TRAPPC2L: variants seen among roughly 807,000 people sequenced by gnomAD.
The protein encoded by TRAPPC2L is trafficking protein particle complex subunit 2-like protein.
Under a neutral mutation model 13.2 loss-of-function variants are expected in TRAPPC2L, and 17 were observed. The observed-to-expected ratio is 1.29, with a 90% CI of 0.88 to 1.93. The LOEUF (loss-of-function observed/expected upper bound fraction) is 1.93, where lower values mean the gene tolerates loss of function less well. Among genes scored for constraint, TRAPPC2L ranks in the 30% most tolerant of loss-of-function variants. The probability of loss-of-function intolerance (pLI) is 0.00; values close to 1 mark genes in which losing one functional copy is unlikely to be tolerated. For synonymous variants in TRAPPC2L, 150 were observed against 98.1 expected (o/e 1.53, Z -3.12); for missense variants, 359 against 252.1 (o/e 1.42, Z -2.87).
At chr16:88,860,636 A>G (rs28656031) in exon 4 of TRAPPC2L, 202,918 of 593,072 alleles carry the variant, frequency 0.34, 36,972 homozygotes, top group African/African-American at 0.55. Context: ...GCACAGGGCC[A>G]TCCTTGCCAC....
At chr16:88,860,020 C>T (rs889631140) in exon 4 of TRAPPC2L, 1 of 1,471,240 alleles carries the variant, frequency 6.8e-7, no homozygotes, top group Non-Finnish European at 9.1e-7. Context: ...GTAGGACATG[C>T]CTTGCCATTT....
At chr16:88,859,272 G>A (rs895496679) in intron 2 of TRAPPC2L, 8 of 578,486 alleles carry the variant, frequency 1.4e-5, no homozygotes, top group African/African-American at 1.1e-4. Context: ...TTTGCTAGTA[G>A]CCACTATTTT....
exon 3 of TRAPPC2L, chr16:88,859,735 C>G (rs774343006): frequency 6.2e-7 from 1 of 1,613,834 alleles, no homozygotes; most frequent in Non-Finnish European, 8.5e-7. Context: ...CCCTTCGAGA[C>G]AACGAAATTC....
exon 4 of TRAPPC2L, chr16:88,861,319 G>A: frequency 2.7e-6 from 1 of 374,028 alleles, no homozygotes; most frequent in East Asian, 6.6e-5. Flanking sequence ...CCCACTGGCT[G>A]AACAGGTGGG....
upstream of TRAPPC2L, chr16:88,856,329 C>T (rs1461048396): frequency 1.4e-6 from 1 of 702,644 alleles, no homozygotes; most frequent in Non-Finnish European, 2.6e-6. Context: ...TCAGGCAGGG[C>T]GGCAGGAGCA....
intron 1 of TRAPPC2L, among the ~76,000 whole-genome samples, chr16:88,857,642 C>T (rs1456254558): frequency 4.6e-5 from 7 of 152,234 alleles, no homozygotes; most frequent in African/African-American, 1.2e-4. Context: ...CCTTAGGATG[C>T]TGTCTGAATA....
chr16:88,858,869 C>A (rs1294328725), intron 2 of TRAPPC2L, 78 bp downstream of exon 2: 1 of 1,466,124 alleles, frequency 6.8e-7, no homozygotes, highest in Admixed American at 2.5e-5. Context: ...AACTTGAAAC[C>A]TTTTAGAAGA....
chr16:88,858,197 G>A (rs1418809962), intron 1 of TRAPPC2L, among the ~76,000 whole-genome samples: 1 of 152,214 alleles, frequency 6.6e-6, no homozygotes. Flanking sequence ...GAGTCTTGAA[G>A]GGTTTAGTAA....
At chr16:88,860,615 C>A (rs894776460) in exon 4 of TRAPPC2L, 3 of 590,028 alleles carry the variant, frequency 5.1e-6, no homozygotes, top group Admixed American at 3.0e-5. Context: ...CACAGTCTTG[C>A]CTCCTGGGCT....
exon 4 of TRAPPC2L, chr16:88,860,611 C>A: frequency 3.4e-6 from 2 of 590,790 alleles, no homozygotes; most frequent in Admixed American, 6.0e-5. Flanking sequence ...TGTCCACAGT[C>A]TTGCCTCCTG....
intron 2 of TRAPPC2L, 157 bp from the exon 3 acceptor site, chr16:88,859,506 A>T (rs1968219930): frequency 1.3e-6 from 1 of 782,536 alleles, no homozygotes; most frequent in Non-Finnish European, 2.3e-6. Flanking sequence ...CTAGCAAAGT[A>T]TTTAGGCTTG....
At position 88,859,706 on chromosome 16, in the gene TRAPPC2L, G is replaced by A. The variant is rs746308531; in HGVS notation, c.250G>A (p.Val84Ile). The change falls in exon 3 of 4, where the codon GTA becomes ATA. Residue 84 changes from valine to isoleucine, a missense_variant. Transcript: ENST00000565504. ...CTCCAAGGTGAAGTTTGTCATGGTG[G>A]TAGATTCCTCCAACACAGCCCTTCG... 8 of 1,613,942 alleles carry A rather than the reference G, an allele frequency of 5.0e-6. No homozygotes were observed. The highest frequency in any genetic ancestry group is 1.3e-5 in the African/African-American group (1 of 74,942).
rs113702518 is a variant in TRAPPC2L, at chr16:88,860,953, G to A, written c.*629G>A. 1.1e-5 allele frequency: 17 copies of A among 1,590,462 alleles called. No individual in the cohort carries two copies. The South Asian group carries it at 1.5e-4, about 14-fold the overall frequency. ...TGGTGACGTCGATGATGATACAGGTGTGCTGAGTGAGCTGTGCTGCCAGCC... is the reference window on the plus strand; with the variant it reads ...TGGTGACGTCGATGATGATACAGGTATGCTGAGTGAGCTGTGCTGCCAGCC... On this transcript the variant is annotated 3_prime_UTR_variant, in exon 4 of 4. Coordinates refer to ENST00000565504, the Ensembl canonical transcript of TRAPPC2L.
In TRAPPC2L at chr16:88,858,811, G is replaced by A. The variant is rs1473607834; in HGVS notation, c.206+20G>A. ...CAAGGTGTATCTTTCAGGGCAGGGT[G>A]TGTGTCAGGGAGGACCTACAGTTGC... On this transcript the variant is annotated intron_variant, in intron 2 of 3. Coordinates refer to ENST00000565504, the Ensembl canonical transcript of TRAPPC2L. 2 of 1,604,618 alleles carry A rather than the reference G, an allele frequency of 1.2e-6. No homozygotes were observed. The highest frequency in any genetic ancestry group is 1.7e-4 in the Middle Eastern group (1 of 6,030).
At chr16:88,859,849 C>A in intron 3 of TRAPPC2L, 44 bp from the exon 4 acceptor site, 1 of 1,583,846 alleles carries the variant, frequency 6.3e-7, no homozygotes, top group Admixed American at 1.8e-5. Flanking sequence ...CTGGCAGTGG[C>A]TGTGTGTATG....
Position 88,858,709 on chromosome 16 carries a change from A to T in TRAPPC2L, c.124A>T (p.Lys42Ter). Residue 42 changes from lysine (K) to a stop codon, truncating the protein, a stop_gained, in exon 2 of 4, where the codon AAG becomes TAG. Transcript: ENST00000565504. LOFTEE classifies it high-confidence loss of function. ...CACATCTCTGGACGTGGTGGATGAG[A>T]AGATCTCCGCAATGGGGAAGGCCCT... The T allele has an allele frequency of 6.2e-7, 1 of 1,613,566 alleles. No homozygotes were observed. The highest frequency in any genetic ancestry group is 8.5e-7 in the Non-Finnish European group (1 of 1,180,000).
chr16:88,856,898 A>C, upstream of TRAPPC2L: 1 of 1,499,364 alleles, frequency 6.7e-7, no homozygotes. Flanking sequence ...GGAGCCGCGG[A>C]GCCCCGGCCA....
chr16:88,857,922 G>C (rs900233471), intron 1 of TRAPPC2L, among the ~76,000 whole-genome samples: 2 of 152,202 alleles, frequency 1.3e-5, no homozygotes, highest in African/African-American at 2.4e-5. Flanking sequence ...GACCAGACTC[G>C]AGACCGCTCC....
exon 4 of TRAPPC2L, chr16:88,861,695 C>T (rs780329136): frequency 8.4e-6 from 4 of 477,798 alleles, no homozygotes; most frequent in East Asian, 6.5e-5. Flanking sequence ...GTGCCGCCGG[C>T]GTCCTTGGGG....
Sources: allele counts gnomAD v4.1 joint callset (sites outside exome capture counted in the v4.1 genomes callset), GRCh38; gene constraint gnomAD v4.1.1; transcripts MANE v1.5; gene names NCBI Gene and HGNC (gene_info 2026-07-23, HGNC 2026-07-21).